MTREX: variants seen among roughly 807,000 people sequenced by gnomAD.
MTREX encodes exosome RNA helicase MTR4.
MTREX carries 76 observed loss-of-function variants against 135.4 expected under a neutral mutation model. The ratio of observed to expected loss-of-function variants is 0.56; its 90% CI spans 0.47 to 0.68. The LOEUF (loss-of-function observed/expected upper bound fraction) is 0.68, where lower values mean the gene tolerates loss of function less well. Among genes scored for constraint, MTREX ranks in the 30% least tolerant of loss-of-function variants. MTREX has a pLI of 0.00. For synonymous variants in MTREX, 404 were observed against 401.6 expected, an observed-to-expected ratio of 1.01 and a Z score of -0.07; for missense variants, 920 against 1,262.1, an observed-to-expected ratio of 0.73 and a Z score of 4.11.
At chr5:55,386,587 G>C (rs1412292163) in intron 18 of MTREX, among the ~76,000 whole-genome samples, 2 of 152,042 alleles carry the variant, frequency 1.3e-5, no homozygotes, top group Non-Finnish European at 2.9e-5. Flanking sequence ...GCTATAAGTT[G>C]GTTTTAGTAG....
chr5:55,389,952 C>G (rs1181634727), intron 19 of MTREX, among the ~76,000 whole-genome samples: 4 of 152,112 alleles, frequency 2.6e-5, no homozygotes, highest in Middle Eastern at 3.2e-3. Context: ...CTCTCAACTT[C>G]ATTGATTGTG....
chr5:55,349,791 T>C (rs1355338257), intron 12 of MTREX, 139 bp downstream of exon 12: 1 of 519,720 alleles, frequency 1.9e-6, no homozygotes, highest in East Asian at 3.3e-5. Context: ...TTAATGATAC[T>C]TTGACTTTTA....
At chr5:55,330,441 AC>A (rs1320856468) in intron 5 of MTREX, among the ~76,000 whole-genome samples, 3 of 151,560 alleles carry the variant, frequency 2.0e-5, no homozygotes, top group African/African-American at 4.8e-5. Flanking sequence ...GTGTCTCTTA[AC>A]TTTTTTTAGC....
chr5:55,366,661 G>A, intron 15 of MTREX, 64 bp from the exon 16 acceptor site: 1 of 1,290,506 alleles, frequency 7.7e-7, no homozygotes, highest in Non-Finnish European at 1.1e-6. Context: ...ATTATAGTAG[G>A]TTAAAGGTAC....
Position 55,340,003 on chromosome 5 carries a change from T to C in MTREX, c.516-7T>C. On this transcript the variant is annotated splice_region_variant and splice_polypyrimidine_tract_variant and intron_variant, in intron 5 of 26. Coordinates refer to ENST00000230640, the MANE Select transcript of MTREX (RefSeq NM_015360.5). The stretch of plus-strand genomic sequence containing the variant: ...AGTTGTATGATTATTTGTTTTCACA[T>C]TTGTAGGTATGCCATTGCATTGGCC... The C allele has an allele frequency of 1.3e-6, 2 of 1,498,786 alleles. No homozygotes were observed. The highest frequency in any genetic ancestry group is 1.8e-6 in the Non-Finnish European group (2 of 1,121,824). The allele number at this position is 1,498,786 out of a possible 1,614,324, so 92.8% of individuals were successfully genotyped here.
At chr5:55,366,325 A>C (rs1216445675) in intron 15 of MTREX, among the ~76,000 whole-genome samples, 1 of 152,140 alleles carries the variant, frequency 6.6e-6, no homozygotes, top group East Asian at 1.9e-4. Context: ...CTCTATCTCT[A>C]CAAAATAATA....
In MTREX at chr5:55,388,208, A is replaced by G. The variant is rs1014651767; in HGVS notation, c.2181+106A>G. The G allele has an allele frequency of 1.2e-5, 12 of 987,674 alleles. No homozygotes were observed. In the African/African-American group the frequency reaches 2.0e-4, roughly 16 times the overall value. The allele number at this position is 987,674 out of a possible 1,614,324, so 61.2% of individuals were successfully genotyped here. On this transcript the variant is annotated intron_variant, in intron 19 of 26. Coordinates refer to ENST00000230640, the MANE Select transcript of MTREX (RefSeq NM_015360.5). ...TAATGAACATACTATCATGATTTCTAAATTAGAAGTTTTCAAGGTATTTTA... is the reference window on the plus strand; with the variant it reads ...TAATGAACATACTATCATGATTTCTGAATTAGAAGTTTTCAAGGTATTTTA...
intron 25 of MTREX, among the ~76,000 whole-genome samples, chr5:55,416,711 G>A (rs144118407): frequency 6.1e-4 from 93 of 152,232 alleles, no homozygotes; most frequent in African/African-American, 2.0e-3. Context: ...CTGTTTAAAC[G>A]AAACCATATT....
intron 22 of MTREX, among the ~76,000 whole-genome samples, chr5:55,407,751 T>C (rs1750829080): frequency 6.6e-6 from 1 of 152,106 alleles, no homozygotes; most frequent in Admixed American, 6.6e-5. Flanking sequence ...AAATCTGGTA[T>C]GTCGTTCCTC....
At chr5:55,318,380 C>G (rs958223258) in intron 1 of MTREX, among the ~76,000 whole-genome samples, 3 of 152,132 alleles carry the variant, frequency 2.0e-5, no homozygotes, top group Non-Finnish European at 2.9e-5. Context: ...AAATGCCCAT[C>G]AATGACAGAT....
intron 22 of MTREX, among the ~76,000 whole-genome samples, chr5:55,405,933 C>T (rs1375327221): frequency 6.6e-6 from 1 of 151,744 alleles, no homozygotes; most frequent in Non-Finnish European, 1.5e-5. Flanking sequence ...TTTTTAATGC[C>T]TTGTGGGATT....
chr5:55,340,290 A>G (rs551069656), intron 6 of MTREX, 106 bp downstream of exon 6: 4 of 730,682 alleles, frequency 5.5e-6, no homozygotes, highest in Non-Finnish European at 8.1e-6. Context: ...TAGGTAAAGT[A>G]TAGTACTTTA....
chr5:55,337,627 A>G (rs1053306646), intron 5 of MTREX, among the ~76,000 whole-genome samples: 1 of 152,088 alleles, frequency 6.6e-6, no homozygotes, highest in Non-Finnish European at 1.5e-5. Flanking sequence ...TTACTTTTCA[A>G]ACGTGATTTT....
chr5:55,410,329 T>C (rs1230501424), intron 22 of MTREX, among the ~76,000 whole-genome samples, 195 bp from the exon 23 acceptor site: 1 of 152,130 alleles, frequency 6.6e-6, no homozygotes, highest in Non-Finnish European at 1.5e-5. Context: ...GAAATCCCCA[T>C]TTTACATTGA....
Position 55,340,220 on chromosome 5 carries a change from T to C in MTREX, c.690+36T>C, listed in dbSNP as rs141869104. 7.8e-3 allele frequency: 11,217 copies of C among 1,433,714 alleles called. 65 individuals carry two copies. Among genetic ancestry groups the C allele is most frequent in the Non-Finnish European group, 8.9e-3 (9,569 of 1,078,318 alleles). The allele number at this position is 1,433,714 out of a possible 1,614,324, so 88.8% of individuals were successfully genotyped here. ...TAGTGCCTCATCTGACTTTTCGTTTTTAATTAAATTAATGTGACTATTCAG... is the reference window on the plus strand; with the variant it reads ...TAGTGCCTCATCTGACTTTTCGTTTCTAATTAAATTAATGTGACTATTCAG... On this transcript the variant is annotated intron_variant, in intron 6 of 26. Transcript: ENST00000230640.
intron 20 of MTREX, among the ~76,000 whole-genome samples, chr5:55,398,281 AAGTTATTT>A (rs1750675854): frequency 2.6e-5 from 1 of 38,582 alleles, no homozygotes; most frequent in African/African-American, 5.8e-5. Context: ...GATTTTAACG[AAGTTATTT>A]AGTTAGTTAA....
intron 3 of MTREX, among the ~76,000 whole-genome samples, chr5:55,325,125 C>G (rs547923729): frequency 5.9e-5 from 9 of 152,098 alleles, no homozygotes; most frequent in Middle Eastern, 3.4e-3. Flanking sequence ...AACATTATAG[C>G]AAGTTATTTT....
chr5:55,347,036 G>A lies in MTREX; in HGVS notation c.1132G>A (p.Val378Met). The change falls in exon 11 of 27, where the codon GTG (valine) becomes ATG (methionine). Residue 378 changes from valine (V) to methionine (M), a missense_variant. By Grantham distance (21) the Val-to-Met change is conservative. Coordinates refer to ENST00000230640, the MANE Select transcript of MTREX (RefSeq NM_015360.5). ...TKGPSNVFKI[V>M]KMIMERNFQP... ...AGGACCATCAAATGTTTTCAAAATTGTGAAGATGATTATGGAAAGAAATTT... is the reference window on the plus strand; with the variant it reads ...AGGACCATCAAATGTTTTCAAAATTATGAAGATGATTATGGAAAGAAATTT... The A allele has an allele frequency of 1.9e-6, 3 of 1,608,716 alleles. No individual in the cohort carries two copies. Among genetic ancestry groups the A allele is most frequent in the Non-Finnish European group, 2.5e-6 (3 of 1,178,364 alleles).
chr5:55,394,869 C>G (rs1408263199), intron 19 of MTREX, among the ~76,000 whole-genome samples: 1 of 151,860 alleles, frequency 6.6e-6, no homozygotes, highest in Admixed American at 6.6e-5. Flanking sequence ...CCCATCTCTA[C>G]TAAAAATACA....
Sources: allele counts gnomAD v4.1 joint callset (sites outside exome capture counted in the v4.1 genomes callset), GRCh38; gene constraint gnomAD v4.1.1; transcripts MANE v1.5; gene names NCBI Gene and HGNC (gene_info 2026-07-23, HGNC 2026-07-21).